Variants in CDH13 observed in about 807,000 individuals in gnomAD.
CDH13 encodes the protein cadherin 13, also known as cadherin-13.
Under a neutral mutation model 63.8 loss-of-function variants are expected in CDH13, and 24 were observed. The ratio of observed to expected loss-of-function variants is 0.38; its 90% CI spans 0.27 to 0.53. The LOEUF is 0.53. Among genes scored for constraint, CDH13 ranks in the 20% least tolerant of loss-of-function variants. The pLI is 0.85. For synonymous variants in CDH13, 503 were observed against 355.3 expected (o/e 1.42, Z -4.67); for missense variants, 1,049 against 903.1 (o/e 1.16, Z -2.07).
chr16:82,809,157 C>T (rs1327715228), intron 1 of CDH13, among the ~76,000 whole-genome samples: 1 of 152,068 alleles, frequency 6.6e-6, no homozygotes, highest in African/African-American at 2.4e-5. Context: ...TTTCACTCCT[C>T]CCCAACATTG....
chr16:82,836,728 G>A (rs1057085378), intron 1 of CDH13, among the ~76,000 whole-genome samples: 1 of 152,110 alleles, frequency 6.6e-6, no homozygotes, highest in East Asian at 1.9e-4. Flanking sequence ...TGGTACACCT[G>A]GGCTCAGCTT....
At chr16:82,867,090 C>T (rs745783739) in intron 2 of CDH13, among the ~76,000 whole-genome samples, 4 of 152,128 alleles carry the variant, frequency 2.6e-5, no homozygotes, top group African/African-American at 4.8e-5. Context: ...AGGGCCACCT[C>T]GAACCTCACA....
chr16:82,729,966 C>T (rs569026071), intron 1 of CDH13, among the ~76,000 whole-genome samples: 2 of 152,294 alleles, frequency 1.3e-5, no homozygotes, highest in African/African-American at 4.8e-5. Context: ...TGCTAGCTTT[C>T]AACCTTTCTT....
intron 2 of CDH13, among the ~76,000 whole-genome samples, chr16:82,991,375 A>G (rs1911636597): frequency 6.6e-6 from 1 of 152,226 alleles, no homozygotes; most frequent in Non-Finnish European, 1.5e-5. Flanking sequence ...ACATTCATCT[A>G]GTAAGGGGGG....
At chr16:83,279,251 G>A (rs1161676763) in intron 5 of CDH13, among the ~76,000 whole-genome samples, 2 of 152,056 alleles carry the variant, frequency 1.3e-5, no homozygotes, top group African/African-American at 4.8e-5. Context: ...TAAGTCAGCT[G>A]TTTTTATAGA....
intron 1 of CDH13, among the ~76,000 whole-genome samples, chr16:82,635,466 G>A (rs999935313): frequency 4.6e-5 from 7 of 152,338 alleles, no homozygotes; most frequent in African/African-American, 1.7e-4. Flanking sequence ...GTGGCTGGGA[G>A]GTGCCAGAGC....
At chr16:83,244,551 C>T (rs950757635) in intron 5 of CDH13, among the ~76,000 whole-genome samples, 2 of 152,180 alleles carry the variant, frequency 1.3e-5, no homozygotes, top group African/African-American at 4.8e-5. Flanking sequence ...AACACTAGTT[C>T]TTGCAAACTG....
chr16:83,124,032 G>A (rs923851459), intron 3 of CDH13, among the ~76,000 whole-genome samples: 2 of 152,000 alleles, frequency 1.3e-5, no homozygotes, highest in African/African-American at 2.4e-5. Context: ...CATGTTGTTT[G>A]CCCCACTTTC....
At chr16:83,677,798 G>A (rs896493726) in intron 9 of CDH13, among the ~76,000 whole-genome samples, 10 of 152,094 alleles carry the variant, frequency 6.6e-5, no homozygotes, top group Non-Finnish European at 8.8e-5. Flanking sequence ...CGGGGGTACG[G>A]AGTTACAGGT....
intron 1 of CDH13, among the ~76,000 whole-genome samples, chr16:82,814,447 G>A (rs892843566): frequency 6.6e-6 from 1 of 152,022 alleles, no homozygotes; most frequent in Non-Finnish European, 1.5e-5. Context: ...GATCACCAAC[G>A]GTCAGTGAGA....
chr16:82,877,086 C>T (rs750102795), intron 2 of CDH13, among the ~76,000 whole-genome samples: 1 of 152,170 alleles, frequency 6.6e-6, no homozygotes, highest in Non-Finnish European at 1.5e-5. Context: ...AACAGAATCT[C>T]AGCAACATTC....
At chr16:82,706,574 A>T (rs1451925369) in intron 1 of CDH13, among the ~76,000 whole-genome samples, 2 of 151,748 alleles carry the variant, frequency 1.3e-5, no homozygotes, top group Non-Finnish European at 2.9e-5. Flanking sequence ...TGGGTGGATC[A>T]CCTGAGGGTC....
At chr16:83,022,804 A>G (rs903154408) in intron 2 of CDH13, among the ~76,000 whole-genome samples, 3 of 152,226 alleles carry the variant, frequency 2.0e-5, no homozygotes, top group Admixed American at 6.5e-5. Context: ...TGCAAACTCT[A>G]GGACAATTTA....
intron 2 of CDH13, chr16:82,953,668 T>G (rs1189083665): frequency 6.6e-6 from 1 of 152,116 alleles, no homozygotes; most frequent in African/African-American, 2.4e-5. Context: ...CTAGATAAAG[T>G]CTTTGAAAAC....
intron 3 of CDH13, among the ~76,000 whole-genome samples, chr16:83,108,525 G>T (rs2034895658): frequency 1.3e-5 from 2 of 152,170 alleles, no homozygotes; most frequent in Admixed American, 1.3e-4. Flanking sequence ...AGAGAGGCCA[G>T]GCTCCTCCCC....
chr16:83,508,099 A>AGGAAG (rs2074454377), intron 7 of CDH13, among the ~76,000 whole-genome samples: 6 of 59,888 alleles, frequency 1.0e-4, no homozygotes, highest in African/African-American at 4.4e-4. Context: ...AAGGAAGGAA[A>AGGAAG]GAAGGAAGGA....
chr16:83,745,920 C>T (rs747297686), intron 10 of CDH13, among the ~76,000 whole-genome samples: 1 of 152,140 alleles, frequency 6.6e-6, no homozygotes, highest in Non-Finnish European at 1.5e-5. Context: ...TGCTGACCAC[C>T]CACCCTGAGT....
chr16:82,901,324 CTGTGTGTGTGTGTGTGTGTGTG>C (rs61370328), intron 2 of CDH13, among the ~76,000 whole-genome samples: 5 of 130,416 alleles, frequency 3.8e-5, no homozygotes, highest in East Asian at 2.3e-4. Flanking sequence ...TAGTATTCTC[CTGTGTGTGTGTGTGTGTGTGTG>C]TGTGTGTGTG....
intron 2 of CDH13, among the ~76,000 whole-genome samples, chr16:82,944,275 T>A (rs191170667): frequency 6.6e-6 from 1 of 152,176 alleles, no homozygotes; most frequent in Non-Finnish European, 1.5e-5. Flanking sequence ...CCCAGGCTTC[T>A]GGTATGACTT....
Sources: allele counts gnomAD v4.1 joint callset (sites outside exome capture counted in the v4.1 genomes callset), GRCh38; gene constraint gnomAD v4.1.1; transcripts MANE v1.5; gene names NCBI Gene and HGNC (gene_info 2026-07-23, HGNC 2026-07-21).